Variants in DIP2C observed in about 807,000 individuals in gnomAD.
DIP2C encodes DIP2 acetate--CoA ligase C (putative).
In DIP2C, 33 loss-of-function variants were observed where a neutral mutation model predicts 192.4. The ratio of observed to expected loss-of-function variants is 0.17; its 90% confidence interval spans 0.13 to 0.23. The LOEUF (loss-of-function observed/expected upper bound fraction) is 0.23, where lower values mean the gene tolerates loss of function less well. Ranked by LOEUF, DIP2C falls within the 10% of genes least tolerant of loss-of-function variation. The pLI is 1.00. For missense variants in DIP2C, 1,537 were observed against 2,110.1 expected (o/e 0.73, Z 5.32); for synonymous variants, 979 against 864.1 (o/e 1.13, Z -2.33).
At chr10:553,669 T>C (rs761889923) in intron 1 of DIP2C, among the ~76,000 whole-genome samples, 3 of 152,148 alleles carry the variant, frequency 2.0e-5, no homozygotes, top group Non-Finnish European at 2.9e-5. Context: ...AAAAGGTATA[T>C]AGCTTGTAAC....
intron 18 of DIP2C, among the ~76,000 whole-genome samples, chr10:369,174 C>T (rs923904152): frequency 2.0e-5 from 3 of 152,232 alleles, no homozygotes; most frequent in Admixed American, 2.0e-4. Context: ...CAGATGGGCA[C>T]GTCCTCTGGG....
intron 29 of DIP2C, among the ~76,000 whole-genome samples, chr10:332,290 G>A (rs1234089127): frequency 1.3e-5 from 2 of 152,172 alleles, no homozygotes; most frequent in Admixed American, 6.5e-5. Flanking sequence ...GATTTGCTCT[G>A]TCAGAATTGT....
rs565513210 is a variant in DIP2C, at chr10:609,331, C to G, written c.85+80163G>C. 2.0e-5 allele frequency among the ~76,000 whole-genome samples: 3 copies of G among 152,296 alleles called. No individual in the cohort carries two copies. In the South Asian group the frequency reaches 6.2e-4, roughly 32 times the overall value. ...TGGTTGAAGGCTGTTCCCTGGCTGTCAGAAACTTTTTCTCAATAGTATTTT... is the reference window on the plus strand; with the variant it reads ...TGGTTGAAGGCTGTTCCCTGGCTGTGAGAAACTTTTTCTCAATAGTATTTT... On this transcript the variant is annotated intron_variant, in intron 1 of 36. Transcript: ENST00000280886.
chr10:378,050 G>A (rs1961840442), intron 17 of DIP2C, among the ~76,000 whole-genome samples: 1 of 152,136 alleles, frequency 6.6e-6, no homozygotes, highest in African/African-American at 2.4e-5. Context: ...GGGGATACTT[G>A]TAGCCAGGAA....
chr10:356,499 A>T lies in DIP2C; in HGVS notation c.2912T>A (p.Phe971Tyr), dbSNP rs1959089471. 6.2e-7 allele frequency: 1 copy of T among 1,611,584 alleles called. No homozygotes were observed. The change falls in exon 24 of 37, where the codon TTC (phenylalanine) becomes TAC (tyrosine). Residue 971 changes from phenylalanine (F) to tyrosine (Y), a missense_variant. Transcript: ENST00000280886. ...TCTCCACTGCAAGACCTCTGAGAGGAACAGGAACTGGAACAGAGCACGGGC... is the reference window on the plus strand; with the variant it reads ...TCTCCACTGCAAGACCTCTGAGAGGTACAGGAACTGGAACAGAGCACGGGC... The part of the protein sequence containing the change: ...EDNDQARKFL[F>Y]LSEVLQWRAQ...
intron 1 of DIP2C, among the ~76,000 whole-genome samples, chr10:524,411 T>C (rs970741713): frequency 6.6e-6 from 1 of 152,228 alleles, no homozygotes; most frequent in Non-Finnish European, 1.5e-5. Flanking sequence ...CAGACCTATA[T>C]GTGACTGGAA....
rs370959013 is a variant in DIP2C at position 351,632 on chromosome 10, A to C, written c.2986-2178T>G. ...AAATTAGAAAACAGAAACTGATTTA[A>C]AGTAGAAGAGCCCAAGAGCAGGTGG... On this transcript the variant is annotated intron_variant, in intron 24 of 36. Transcript: ENST00000280886. Among the ~76,000 whole-genome samples the C allele has an allele frequency of 4.3e-4, 66 of 152,314 alleles. 1 individual carries two copies. The East Asian group carries it at 8.3e-3, about 19-fold the overall frequency.
intron 34 of DIP2C, among the ~76,000 whole-genome samples, chr10:283,783 C>T (rs1425712910): frequency 6.6e-6 from 1 of 152,082 alleles, no homozygotes; most frequent in Non-Finnish European, 1.5e-5. Context: ...TACACTTTAA[C>T]GAATGATTAT....
At chr10:579,601 C>T (rs1007608658) in intron 1 of DIP2C, among the ~76,000 whole-genome samples, 2 of 151,904 alleles carry the variant, frequency 1.3e-5, no homozygotes, top group African/African-American at 2.4e-5. Context: ...CATACACATC[C>T]AAATAGTGTA....
intron 9 of DIP2C, among the ~76,000 whole-genome samples, chr10:405,593 G>A (rs1445729679): frequency 6.6e-6 from 1 of 152,162 alleles, no homozygotes; most frequent in African/African-American, 2.4e-5. Context: ...CACAAATCCT[G>A]TTGTATTGCT....
At chr10:469,265 G>C (rs1011144718) in intron 3 of DIP2C, among the ~76,000 whole-genome samples, 11 of 151,342 alleles carry the variant, frequency 7.3e-5, no homozygotes, top group Admixed American at 2.0e-4. Flanking sequence ...CCAACCTTCA[G>C]GTCCTATTGC....
intron 22 of DIP2C, among the ~76,000 whole-genome samples, chr10:361,417 G>A (rs997767928): frequency 2.2e-4 from 34 of 152,264 alleles, no homozygotes; most frequent in African/African-American, 5.8e-4. Flanking sequence ...GGGTTTTCCC[G>A]GTCACTGGGC....
chr10:562,731 G>T (rs1269499404), intron 1 of DIP2C, among the ~76,000 whole-genome samples: 2 of 152,190 alleles, frequency 1.3e-5, no homozygotes, highest in Non-Finnish European at 2.9e-5. Context: ...TTCCCTCAGA[G>T]AGCTTTTCAT....
chr10:676,628 A>G (rs1830886865), intron 1 of DIP2C, among the ~76,000 whole-genome samples: 1 of 152,206 alleles, frequency 6.6e-6, no homozygotes, highest in South Asian at 2.1e-4. Context: ...GAGCCAGTGG[A>G]AAAAGAAATC....
rs563639814 is a variant in DIP2C, at chr10:413,231, G to A, written c.1057+682C>T. On this transcript the variant is annotated intron_variant, in intron 8 of 36. Coordinates refer to ENST00000280886, the MANE Select transcript of DIP2C (RefSeq NM_014974.3). ...TCTTATCCACAGAAAAAAGAGAAAC[G>A]CACTTCTCTGCTACCGTTAACCATG... 1.8e-4 allele frequency among the ~76,000 whole-genome samples: 28 copies of A among 152,234 alleles called. No homozygotes were observed. The South Asian group carries it at 4.1e-3, about 23-fold the overall frequency.
chr10:561,276 GTATT>G (rs1418787091), intron 1 of DIP2C, among the ~76,000 whole-genome samples: 3 of 152,114 alleles, frequency 2.0e-5, no homozygotes, highest in Middle Eastern at 3.2e-3. Context: ...CCTTTCATGT[GTATT>G]TATTTTGGGG....
At chr10:577,510 T>C (rs1285530360) in intron 1 of DIP2C, among the ~76,000 whole-genome samples, 1 of 152,186 alleles carries the variant, frequency 6.6e-6, no homozygotes, top group Non-Finnish European at 1.5e-5. Context: ...GAGCCTCGTA[T>C]TCCTATTTAA....
At chr10:502,400 G>A (rs1162778676) in intron 1 of DIP2C, among the ~76,000 whole-genome samples, 1 of 152,174 alleles carries the variant, frequency 6.6e-6, no homozygotes, top group Non-Finnish European at 1.5e-5. Flanking sequence ...ATGAAATGCA[G>A]CCAAAATAAT....
intron 24 of DIP2C, among the ~76,000 whole-genome samples, chr10:353,556 T>C (rs962904983): frequency 6.6e-6 from 1 of 151,356 alleles, no homozygotes; most frequent in South Asian, 2.1e-4. Flanking sequence ...CACCCAGCTA[T>C]TTTTTTTTGT....
Sources: allele counts gnomAD v4.1 joint callset (sites outside exome capture counted in the v4.1 genomes callset), GRCh38; gene constraint gnomAD v4.1.1; transcripts MANE v1.5; gene names NCBI Gene and HGNC (gene_info 2026-07-23, HGNC 2026-07-21).